The following GPR161 variants were observed in gnomAD, a reference collection of about 807,000 sequenced individuals.
The protein encoded by GPR161 is G-protein coupled receptor RE2.
In GPR161, 25 loss-of-function variants were observed where a neutral mutation model predicts 39.2. The observed-to-expected ratio is 0.64, with a 90% CI of 0.47 to 0.89. GPR161 has a LOEUF of 0.89. Ranked by LOEUF, GPR161 falls within the 40% of genes least tolerant of loss-of-function variation. The pLI is 0.00. For missense variants in GPR161, 547 were observed against 677.8 expected, an observed-to-expected ratio of 0.81 and a Z score of 2.14; for synonymous variants, 286 against 276.6, an observed-to-expected ratio of 1.03 and a Z score of -0.34.
chr1:168,129,050 G>A (rs1698796853), intron 1 of GPR161, among the ~76,000 whole-genome samples: 1 of 152,208 alleles, frequency 6.6e-6, no homozygotes, highest in African/African-American at 2.4e-5. Context: ...CATTTTGGAG[G>A]TGGGGATACA....
At chr1:168,117,937 A>G (rs1333670470) in intron 1 of GPR161, among the ~76,000 whole-genome samples, 3 of 151,364 alleles carry the variant, frequency 2.0e-5, no homozygotes, top group Non-Finnish European at 2.9e-5. Flanking sequence ...TAGTAAGTAT[A>G]AAGCATTTTA....
At position 168,082,183 on chromosome 1, in the gene GPR161, A is replaced by C. The variant is rs1390739179; in HGVS notation, c.*3348T>G. On this transcript the variant is annotated 3_prime_UTR_variant, in exon 6 of 6. Coordinates refer to ENST00000682931, the MANE Select transcript of GPR161 (RefSeq NM_001375883.1). ...CAAATAAGAATCAAGGAACATTGGC[A>C]CTAGATGGCCCTTGTCTTACACTCC... 2 of 152,224 alleles carry C rather than the reference A, an allele frequency of 1.3e-5. No individual in the cohort carries two copies. Among genetic ancestry groups the C allele is most frequent in the Non-Finnish European group, 2.9e-5 (2 of 68,046 alleles). The allele number at this position is 152,224 out of a possible 1,614,324, so 9.4% of individuals were successfully genotyped here. A position where few individuals can be genotyped will look rare whatever the true frequency, so the allele number is the denominator to read the frequency against.
chr1:168,095,771 G>C (rs1194879716), intron 3 of GPR161, among the ~76,000 whole-genome samples: 2 of 152,184 alleles, frequency 1.3e-5, no homozygotes, highest in Non-Finnish European at 2.9e-5. Context: ...CTGAAGGAAA[G>C]GATGTGGATG....
chr1:168,087,978 C>T (rs989580873), intron 4 of GPR161: 3 of 327,562 alleles, frequency 9.2e-6, no homozygotes, highest in Non-Finnish European at 1.7e-5. Flanking sequence ...GACCAGACCC[C>T]AGAAGCATGG....
chr1:168,136,844 G>A lies in GPR161; in HGVS notation c.-150C>T. 4.1e-6 allele frequency: 4 copies of A among 983,696 alleles called. No homozygotes were observed. Among genetic ancestry groups the A allele is most frequent in the Non-Finnish European group, 4.8e-6 (4 of 829,204 alleles). 60.9% of individuals were successfully genotyped at this position (983,696 alleles called of 1,614,324 possible). On this transcript the variant is annotated 5_prime_UTR_variant, in exon 1 of 6. Transcript: ENST00000682931. ...TCCCCGCCGCGCTCCGGGACTGGAGGTTTCGGGTTTCAGCCCACCGAGCCC... is the reference window on the plus strand; with the variant it reads ...TCCCCGCCGCGCTCCGGGACTGGAGATTTCGGGTTTCAGCCCACCGAGCCC...
At chr1:168,089,800 C>T (rs1425005818) in intron 4 of GPR161, among the ~76,000 whole-genome samples, 1 of 152,228 alleles carries the variant, frequency 6.6e-6, no homozygotes, top group East Asian at 1.9e-4. Flanking sequence ...GTGCTTCCAG[C>T]ACAGGATACA....
chr1:168,101,085 G>C (rs960993449), intron 2 of GPR161, among the ~76,000 whole-genome samples: 5 of 150,020 alleles, frequency 3.3e-5, no homozygotes, highest in African/African-American at 1.2e-4. Flanking sequence ...TGGACTCTTT[G>C]GGTTCATCTG....
chr1:168,131,760 T>C (rs17499900), intron 1 of GPR161, among the ~76,000 whole-genome samples: 17,483 of 152,066 alleles, frequency 0.11, 1,440 homozygotes, highest in Admixed American at 0.29. Flanking sequence ...CAATCAAAGG[T>C]ACAATAAGCA....
chr1:168,114,669 T>C (rs1000564848), intron 1 of GPR161: 3 of 152,228 alleles, frequency 2.0e-5, no homozygotes, highest in African/African-American at 7.2e-5. Context: ...TGTGTCCTTG[T>C]CTGTAAAATG....
intron 4 of GPR161, 59 bp downstream of exon 4, chr1:168,090,502 CGGG>C: frequency 1.0e-6 from 1 of 955,528 alleles, no homozygotes; most frequent in Non-Finnish European, 1.7e-6. Context: ...AAACGCGACA[CGGG>C]GGAAACGCAA....
chr1:168,094,267 A>G (rs1695328690), intron 3 of GPR161, among the ~76,000 whole-genome samples: 1 of 151,568 alleles, frequency 6.6e-6, no homozygotes, highest in African/African-American at 2.4e-5. Context: ...TTGATCTAGA[A>G]AACATCTATT....
At chr1:168,111,118 A>G (rs762285466) in intron 1 of GPR161, among the ~76,000 whole-genome samples, 11 of 152,246 alleles carry the variant, frequency 7.2e-5, no homozygotes, top group Non-Finnish European at 1.0e-4. Context: ...GTCAAAATAC[A>G]GGAAGAATGG....
intron 1 of GPR161, among the ~76,000 whole-genome samples, chr1:168,105,113 C>T (rs867231819): frequency 1.8e-4 from 28 of 152,292 alleles, no homozygotes; most frequent in South Asian, 8.3e-4. Flanking sequence ...CAATTTCTTC[C>T]TCTGGTCTAA....
intron 1 of GPR161, among the ~76,000 whole-genome samples, chr1:168,108,608 T>C (rs972242914): frequency 3.4e-5 from 5 of 148,818 alleles, no homozygotes; most frequent in Non-Finnish European, 7.4e-5. Context: ...GAAAGATACA[T>C]CAGAAATTAA....
intron 1 of GPR161, among the ~76,000 whole-genome samples, chr1:168,106,081 C>G (rs1696593741): frequency 6.6e-6 from 1 of 151,456 alleles, no homozygotes; most frequent in Admixed American, 6.6e-5. Context: ...GAGAAAGCTT[C>G]CCTCATAGTG....
intron 3 of GPR161, among the ~76,000 whole-genome samples, chr1:168,090,919 G>T (rs1329926812): frequency 1.3e-5 from 2 of 152,196 alleles, no homozygotes; most frequent in Non-Finnish European, 2.9e-5. Flanking sequence ...CACCACCAAG[G>T]TGATGACAGA....
intron 3 of GPR161, among the ~76,000 whole-genome samples, chr1:168,092,028 G>A (rs190142877): frequency 6.6e-6 from 1 of 152,318 alleles, no homozygotes; most frequent in Non-Finnish European, 1.5e-5. Flanking sequence ...CTGGAGCCAA[G>A]GAGGACATGG....
intron 1 of GPR161, among the ~76,000 whole-genome samples, chr1:168,111,673 T>C (rs1039228792): frequency 6.6e-6 from 1 of 152,196 alleles, no homozygotes; most frequent in Non-Finnish European, 1.5e-5. Flanking sequence ...TGTGAAGTAA[T>C]ACATTTTTAA....
At position 168,107,321 on chromosome 1, in the gene GPR161, C is replaced by A. The variant is rs117164068; in HGVS notation, c.-44-2427G>T. Reference sequence around the variant, plus strand: ...TTCTGAAACTCACGTTGAAACTTAACCTCCAATAGGCAACATGGAGAAGTG... The same window carrying A: ...TTCTGAAACTCACGTTGAAACTTAAACTCCAATAGGCAACATGGAGAAGTG... On this transcript the variant is annotated intron_variant, in intron 1 of 5. Coordinates refer to ENST00000682931, the MANE Select transcript of GPR161 (RefSeq NM_001375883.1). Among the ~76,000 whole-genome samples, 1,022 of 152,312 alleles carry A rather than the reference C, an allele frequency of 6.7e-3. 41 individuals are homozygous for A. The highest frequency in any genetic ancestry group is 0.047 in the Admixed American group (723 of 15,306).
Sources: gnomAD v4.1 joint callset for allele counts (sites outside exome capture counted in the v4.1 genomes callset) on GRCh38, gnomAD v4.1.1 for gene constraint, MANE v1.5 for transcripts, NCBI Gene and HGNC (gene_info 2026-07-23, HGNC 2026-07-21) for gene names.